The following GALNT13 variants were observed in gnomAD, a reference collection of about 807,000 sequenced individuals.
GALNT13 encodes the protein UDP-GalNAc:polypeptide N-acetylgalactosaminyltransferase 13.
Under a neutral mutation model 64.2 loss-of-function variants are expected in GALNT13, and 28 were observed. The ratio of observed to expected loss-of-function variants is 0.44; its 90% CI spans 0.32 to 0.60. The LOEUF (loss-of-function observed/expected upper bound fraction) is 0.60, where lower values mean the gene tolerates loss of function less well. Among genes scored for constraint, GALNT13 ranks in the 20% least tolerant of loss-of-function variants. The pLI is 0.05. For synonymous variants in GALNT13, 214 were observed against 224.6 expected (o/e 0.95, Z 0.42); for missense variants, 577 against 669.8 (o/e 0.86, Z 1.53).
chr2:153,337,949 G>A, the GALNT13 span, among the ~76,000 whole-genome samples: 27 of 152,098 alleles, frequency 1.8e-4, no homozygotes, highest in Admixed American at 3.3e-4. Context: ...CCATTATAAA[G>A]TACTTATTAT....
At chr2:153,095,192 G>GA in the GALNT13 span, among the ~76,000 whole-genome samples, 10 of 152,202 alleles carry the variant, frequency 6.6e-5, no homozygotes, top group East Asian at 7.7e-4. Context: ...AAATTTACAA[G>GA]AAAAAATCAA....
At chr2:153,864,322 C>CTGA in the GALNT13 span, among the ~76,000 whole-genome samples, 1 of 152,002 alleles carries the variant, frequency 6.6e-6, no homozygotes, top group South Asian at 2.1e-4. Context: ...GAGAAAAGGT[C>CTGA]TGATGGGGGG....
intron 3 of GALNT13, among the ~76,000 whole-genome samples, chr2:154,130,860 T>C (rs1430780924): frequency 6.6e-6 from 1 of 152,222 alleles, no homozygotes; most frequent in Admixed American, 6.5e-5. Context: ...TTGGATTATG[T>C]AAACAGCTTC....
the GALNT13 span, among the ~76,000 whole-genome samples, chr2:153,597,377 A>G: frequency 0.27 from 40,919 of 151,944 alleles, 5,890 homozygotes; most frequent in South Asian, 0.42. Context: ...ATGACATTAA[A>G]TGGTTGAAAG....
intron 3 of GALNT13, among the ~76,000 whole-genome samples, chr2:153,952,948 G>GTA (rs1270576523): frequency 6.6e-6 from 1 of 152,204 alleles, no homozygotes; most frequent in Non-Finnish European, 1.5e-5. Context: ...GACTTAGCCA[G>GTA]TATAGTCCTT....
chr2:153,933,836 C>A (rs1690707306), intron 2 of GALNT13, among the ~76,000 whole-genome samples: 1 of 152,106 alleles, frequency 6.6e-6, no homozygotes, highest in South Asian at 2.1e-4. Context: ...GATTTTATTT[C>A]TCCTTCTCTT....
the GALNT13 span, among the ~76,000 whole-genome samples, chr2:153,665,570 G>T: frequency 9.2e-5 from 14 of 151,960 alleles, no homozygotes; most frequent in Middle Eastern, 3.4e-3. Context: ...ATCAAAAGAG[G>T]AGAGTGACTC....
At chr2:153,151,642 A>G in the GALNT13 span, among the ~76,000 whole-genome samples, 10 of 152,148 alleles carry the variant, frequency 6.6e-5, no homozygotes, top group Non-Finnish European at 1.0e-4. Flanking sequence ...ATGAAATACT[A>G]TGCAGCCATA....
chr2:153,715,921 A>G, the GALNT13 span, among the ~76,000 whole-genome samples: 3 of 151,020 alleles, frequency 2.0e-5, no homozygotes, highest in African/African-American at 7.3e-5. Context: ...TTTTACATAC[A>G]TATAGGGAAG....
chr2:154,068,913 G>A (rs1191124176), intron 3 of GALNT13, among the ~76,000 whole-genome samples: 1 of 151,826 alleles, frequency 6.6e-6, no homozygotes, highest in African/African-American at 2.4e-5. Flanking sequence ...TAATCAGATT[G>A]TAATACAAAG....
chr2:154,258,526 C>G (rs1690505799), intron 7 of GALNT13, among the ~76,000 whole-genome samples: 1 of 151,976 alleles, frequency 6.6e-6, no homozygotes, highest in Non-Finnish European at 1.5e-5. Flanking sequence ...TCGCTAGATA[C>G]TTATTTTCTA....
the GALNT13 span, among the ~76,000 whole-genome samples, chr2:153,856,198 G>T: frequency 6.6e-6 from 1 of 152,092 alleles, no homozygotes; most frequent in Non-Finnish European, 1.5e-5. Context: ...TTGCTATACA[G>T]TTTAAATGGG....
rs796958240 is a variant in GALNT13 at position 154,081,055 on chromosome 2, C to T, written c.143-59282C>T. 1.9e-4 allele frequency among the ~76,000 whole-genome samples: 29 copies of T among 151,576 alleles called. 1 individual carries two copies. The highest frequency in any genetic ancestry group is 6.8e-4 in the African/African-American group (28 of 41,452). ...GCATCCAAGATTCCTTTATACTCCT[C>T]ACATATAAACTGAGTTTTATGTCCT... On this transcript the variant is annotated intron_variant, in intron 3 of 12. Transcript: ENST00000392825.
chr2:153,474,554 CAG>C, the GALNT13 span, among the ~76,000 whole-genome samples: 1 of 152,160 alleles, frequency 6.6e-6, no homozygotes, highest in African/African-American at 2.4e-5. Context: ...GCTACATTTT[CAG>C]AGAGAGTGGG....
chr2:153,163,401 T>C, the GALNT13 span, among the ~76,000 whole-genome samples: 8 of 152,208 alleles, frequency 5.3e-5, no homozygotes, highest in Non-Finnish European at 1.0e-4. Flanking sequence ...GACTGCGTTA[T>C]ACTTTGGGCA....
chr2:153,872,581 G>C (rs1686028245), intron 1 of GALNT13, among the ~76,000 whole-genome samples: 1 of 143,768 alleles, frequency 7.0e-6, no homozygotes, highest in African/African-American at 2.6e-5. Context: ...CCCACCTTCT[G>C]CTCTGCTTTT....
At chr2:154,179,489 A>G (rs1387118275) in intron 4 of GALNT13, among the ~76,000 whole-genome samples, 1 of 152,188 alleles carries the variant, frequency 6.6e-6, no homozygotes, top group African/African-American at 2.4e-5. Context: ...TAAAATTAAA[A>G]GTATATACAA....
chr2:153,704,753 A>C, the GALNT13 span, among the ~76,000 whole-genome samples: 1 of 152,188 alleles, frequency 6.6e-6, no homozygotes, highest in African/African-American at 2.4e-5. Flanking sequence ...ATGTAGGCTG[A>C]AATCTTGCAG....
chr2:154,447,431 A>G (rs1701649063), intron 12 of GALNT13, among the ~76,000 whole-genome samples: 1 of 151,986 alleles, frequency 6.6e-6, no homozygotes, highest in Non-Finnish European at 1.5e-5. Context: ...TCAGCAAGCA[A>G]TAAAATGAAT....
Sources: gnomAD v4.1 joint callset for allele counts (sites outside exome capture counted in the v4.1 genomes callset) on GRCh38, gnomAD v4.1.1 for gene constraint, MANE v1.5 for transcripts, NCBI Gene and HGNC (gene_info 2026-07-23, HGNC 2026-07-21) for gene names.